Variants in CMIP observed in about 807,000 individuals in gnomAD.
The protein encoded by CMIP is c-Maf inducing protein.
CMIP carries 13 observed loss-of-function variants against 97.3 expected under a neutral mutation model. That is an observed-to-expected ratio of 0.13 (90% confidence interval 0.09 to 0.21). The LOEUF (loss-of-function observed/expected upper bound fraction) is 0.21. CMIP is among the 10% of genes least tolerant of loss of function. The pLI, the probability that CMIP is intolerant of heterozygous loss-of-function variation, is 1.00. For missense variants in CMIP, 847 were observed against 1,024.9 expected, an observed-to-expected ratio of 0.83 and a Z score of 2.37; for synonymous variants, 538 against 436.3, an observed-to-expected ratio of 1.23 and a Z score of -2.91.
chr16:81,706,898 CCCATCT>C (rs1269426058), intron 19 of CMIP, 110 bp from the exon 20 acceptor site: 1 of 818,422 alleles, frequency 1.2e-6, no homozygotes, highest in Non-Finnish European at 2.0e-6. Context: ...CCTCCCCAGC[CCCATCT>C]CCTAACAGGG....
At chr16:81,484,517 C>G (rs1389648997) in intron 1 of CMIP, among the ~76,000 whole-genome samples, 1 of 152,142 alleles carries the variant, frequency 6.6e-6, no homozygotes, top group Non-Finnish European at 1.5e-5. Context: ...CCAACCTCCC[C>G]GCCCAGTACA....
intron 4 of CMIP, among the ~76,000 whole-genome samples, chr16:81,656,052 A>G (rs57910401): frequency 0.024 from 3,633 of 152,272 alleles, 133 homozygotes; most frequent in African/African-American, 0.083. Context: ...ACTCATATCC[A>G]CTAAAGAAAA....
At chr16:81,506,712 A>C (rs2089715390) in intron 1 of CMIP, among the ~76,000 whole-genome samples, 1 of 152,218 alleles carries the variant, frequency 6.6e-6, no homozygotes, top group South Asian at 2.1e-4. Context: ...CAGGAGTTCG[A>C]GACCAGCCTG....
intron 1 of CMIP, among the ~76,000 whole-genome samples, chr16:81,469,780 A>T (rs987029714): frequency 6.6e-6 from 1 of 152,240 alleles, no homozygotes; most frequent in Non-Finnish European, 1.5e-5. Context: ...CTACCTGGAA[A>T]ATGGGATAAT....
chr16:81,449,633 A>T (rs902821890), intron 1 of CMIP, among the ~76,000 whole-genome samples: 2 of 139,070 alleles, frequency 1.4e-5, no homozygotes, highest in African/African-American at 5.5e-5. Context: ...CCTTTAATTT[A>T]TTTGATGTTT....
intron 14 of CMIP, among the ~76,000 whole-genome samples, chr16:81,698,784 C>T (rs902356547): frequency 1.3e-5 from 2 of 152,190 alleles, no homozygotes; most frequent in Non-Finnish European, 2.9e-5. Context: ...CGGCCTCAGT[C>T]CCTGGCAGCC....
Position 81,497,057 on chromosome 16 carries a change from G to C in CMIP, c.300+51516G>C, listed in dbSNP as rs1597476482. 2.6e-5 allele frequency among the ~76,000 whole-genome samples: 4 copies of C among 152,240 alleles called. No individual in the cohort carries two copies. In the South Asian group the frequency reaches 6.2e-4, roughly 24 times the overall value. On this transcript the variant is annotated intron_variant, in intron 1 of 20. Transcript: ENST00000537098. ...TCCGGGCTGTGGGGATGTCTAGGCG[G>C]AGAGGGAGGTGTAGACCCTGGGCCT...
chr16:81,642,490 C>T (rs2150990605), intron 3 of CMIP, among the ~76,000 whole-genome samples: 1 of 152,338 alleles, frequency 6.6e-6, no homozygotes, highest in African/African-American at 2.4e-5. Flanking sequence ...AGACCCCTTA[C>T]ACCCTGTGCT....
In CMIP at chr16:81,627,331, A is replaced by C. The variant is rs1319548909; in HGVS notation, c.477+6405A>C. Among the ~76,000 whole-genome samples the C allele has an allele frequency of 1.3e-5, 2 of 152,040 alleles. No individual in the cohort carries two copies. Among genetic ancestry groups the C allele is most frequent in the Admixed American group, 6.5e-5 (1 of 15,272 alleles). On this transcript the variant is annotated intron_variant, in intron 3 of 20. Coordinates refer to ENST00000537098, the MANE Select transcript of CMIP (RefSeq NM_198390.3). This position sits in a 1 kb window ranked among gnomAD's most constrained non-coding sequence, Gnocchi z 4.6. Reference sequence around the variant, plus strand: ...TCTCCTCTGTGGAATGGGGATGATCATGGCGTCTCGTCACTGGGCCGTGTG... The same window carrying C: ...TCTCCTCTGTGGAATGGGGATGATCCTGGCGTCTCGTCACTGGGCCGTGTG...
In CMIP at chr16:81,522,128, A is replaced by G. The variant is rs1451965094; in HGVS notation, c.300+76587A>G. Among the ~76,000 whole-genome samples, 4 of 152,330 alleles carry G rather than the reference A, an allele frequency of 2.6e-5. No individual in the cohort carries two copies. The East Asian group carries it at 7.7e-4, about 29-fold the overall frequency. ...CACTGCCTAAGACAAGGGAAATGTCAGACATCTTTGCTTCTAGCTGGAATC... is the reference window on the plus strand; with the variant it reads ...CACTGCCTAAGACAAGGGAAATGTCGGACATCTTTGCTTCTAGCTGGAATC... On this transcript the variant is annotated intron_variant, in intron 1 of 20. Coordinates refer to ENST00000537098, the MANE Select transcript of CMIP (RefSeq NM_198390.3).
intron 1 of CMIP, among the ~76,000 whole-genome samples, chr16:81,603,620 C>T (rs1013234245): frequency 2.6e-5 from 4 of 152,114 alleles, no homozygotes; most frequent in Admixed American, 6.5e-5. Context: ...TCCCGGGATC[C>T]CATCCAGGAT....
intron 1 of CMIP, among the ~76,000 whole-genome samples, chr16:81,482,750 G>C (rs966241594): frequency 6.6e-6 from 1 of 152,214 alleles, no homozygotes; most frequent in African/African-American, 2.4e-5. Flanking sequence ...CCCGGGCTTC[G>C]GAGTCACTGG....
intron 10 of CMIP, among the ~76,000 whole-genome samples, chr16:81,681,223 AT>A (rs1291929476): frequency 6.6e-6 from 1 of 152,226 alleles, no homozygotes; most frequent in Non-Finnish European, 1.5e-5. Context: ...TTTGGGCCTG[AT>A]AACTGTATTT....
chr16:81,531,908 C>T (rs1297162240), intron 1 of CMIP, among the ~76,000 whole-genome samples: 2 of 152,198 alleles, frequency 1.3e-5, no homozygotes, highest in Non-Finnish European at 2.9e-5. Flanking sequence ...AGAAATGGCT[C>T]ATAAATTTGC....
intron 1 of CMIP, among the ~76,000 whole-genome samples, chr16:81,532,056 G>C (rs2090247341): frequency 6.6e-6 from 1 of 152,196 alleles, no homozygotes; most frequent in Non-Finnish European, 1.5e-5. Context: ...TTATTCTGTA[G>C]TTCTCCTAGC....
At chr16:81,633,338 G>T (rs1004123612) in intron 3 of CMIP, among the ~76,000 whole-genome samples, 1 of 152,176 alleles carries the variant, frequency 6.6e-6, no homozygotes, top group African/African-American at 2.4e-5. Context: ...GAGGGAGGTG[G>T]CCTGCCATTC....
chr16:81,701,889 G>T (rs1907456476), intron 16 of CMIP, 89 bp downstream of exon 16: 1 of 1,502,226 alleles, frequency 6.7e-7, no homozygotes, highest in Admixed American at 1.7e-5. Context: ...ACTTGGACCT[G>T]AGTGGACCTC....
rs775516178 is a variant in CMIP, at chr16:81,538,331, C to T, written c.301-69236C>T. 8.5e-5 allele frequency among the ~76,000 whole-genome samples: 13 copies of T among 152,170 alleles called. 1 individual carries two copies. The highest frequency in any genetic ancestry group is 5.9e-4 in the Admixed American group (9 of 15,286). ...CGGCGGTGGCTCCTGCCTGCAGTGG[C>T]CCAGTTGCATAAACACTGAGAGAAG... On this transcript the variant is annotated intron_variant, in intron 1 of 20. Transcript: ENST00000537098.
chr16:81,681,684 A>G lies in CMIP; in HGVS notation c.1388+3056A>G, dbSNP rs111806887. 2.1e-4 allele frequency among the ~76,000 whole-genome samples: 32 copies of G among 152,338 alleles called. 1 individual carries two copies. Among genetic ancestry groups the G allele is most frequent in the African/African-American group, 7.0e-4 (29 of 41,564 alleles). ...CAGTAAGAGTGCTTTGAGAGAGAAA[A>G]GCCACATGGCATTTATTGCACACCT... On this transcript the variant is annotated intron_variant, in intron 10 of 20. Transcript: ENST00000537098.
Sources: allele counts gnomAD v4.1 joint callset (sites outside exome capture counted in the v4.1 genomes callset), GRCh38; gene constraint gnomAD v4.1.1; non-coding constraint Gnocchi (gnomAD v3.1); transcripts MANE v1.5; gene names NCBI Gene and HGNC (gene_info 2026-07-23, HGNC 2026-07-21).